Variants in ENKUR observed in about 807,000 individuals in gnomAD.
ENKUR encodes enkurin.
Under a neutral mutation model 27.6 loss-of-function variants are expected in ENKUR, and 19 were observed. The observed-to-expected ratio is 0.69, with a 90% confidence interval of 0.48 to 1.01. The LOEUF is 1.01. Among genes scored for constraint, ENKUR ranks in the 50% least tolerant of loss-of-function variants. The pLI is 0.00. For missense variants in ENKUR, 312 were observed against 310.5 expected (o/e 1.00, Z -0.04); for synonymous variants, 117 against 96.9 (o/e 1.21, Z -1.22).
At chr10:25,024,321 C>G in intron 2 of ENKUR, 1 of 1,614,122 alleles carries the variant, frequency 6.2e-7, no homozygotes, top group Non-Finnish European at 8.5e-7. Flanking sequence ...CACACTGTAT[C>G]CCACCAAGTT....
chr10:25,018,112 A>G (rs1276631642), upstream of ENKUR, among the ~76,000 whole-genome samples: 2 of 152,196 alleles, frequency 1.3e-5, no homozygotes, highest in Non-Finnish European at 2.9e-5. Flanking sequence ...CTGTATATTT[A>G]TTATGCTTTA....
chr10:25,002,199 G>A (rs1466602756), intron 1 of ENKUR, among the ~76,000 whole-genome samples: 1 of 152,176 alleles, frequency 6.6e-6, no homozygotes, highest in African/African-American at 2.4e-5. Flanking sequence ...GGGCTGGTGG[G>A]AACACGAACT....
At chr10:25,024,730 G>T (rs1285713723) in intron 2 of ENKUR, 2 of 1,614,124 alleles carry the variant, frequency 1.2e-6, no homozygotes, top group South Asian at 2.2e-5. Flanking sequence ...AAGCCCAGTC[G>T]ATGTCTGTAT....
At chr10:25,007,266 G>T (rs369066833) in intron 1 of ENKUR, among the ~76,000 whole-genome samples, 4 of 152,020 alleles carry the variant, frequency 2.6e-5, no homozygotes, top group Non-Finnish European at 5.9e-5. Flanking sequence ...TGAGTCTAAC[G>T]TTCACAAAAG....
chr10:25,016,473 G>A (rs2291586), upstream of ENKUR, among the ~76,000 whole-genome samples: 36,902 of 152,184 alleles, frequency 0.24, 5,562 homozygotes, highest in East Asian at 0.5. Flanking sequence ...GGAGCGAGCG[G>A]CTGAGACCAC....
At chr10:25,059,639 C>T (rs1851304891) in intron 2 of ENKUR, among the ~76,000 whole-genome samples, 1 of 152,142 alleles carries the variant, frequency 6.6e-6, no homozygotes, top group East Asian at 1.9e-4. Context: ...CCAAAAAATG[C>T]TAACAAGCAC....
At chr10:25,032,483 C>T (rs975671818) in intron 2 of ENKUR, among the ~76,000 whole-genome samples, 2 of 152,124 alleles carry the variant, frequency 1.3e-5, no homozygotes, top group South Asian at 2.1e-4. Context: ...AGCAGTCACC[C>T]TGCTACATGG....
At chr10:24,996,924 A>T (rs1850073976) in intron 2 of ENKUR, among the ~76,000 whole-genome samples, 1 of 152,228 alleles carries the variant, frequency 6.6e-6, no homozygotes, top group South Asian at 2.1e-4. Flanking sequence ...AGGTCATTAG[A>T]GAAGGCGCTG....
Position 24,995,752 on chromosome 10 carries a change from A to G in ENKUR, c.341T>C (p.Ile114Thr). 1 of 1,614,048 alleles carries G rather than the reference A, an allele frequency of 6.2e-7. No individual in the cohort carries two copies. The highest frequency in any genetic ancestry group is 8.5e-7 in the Non-Finnish European group (1 of 1,179,994). ...TTTAGGCTTTTTAGCCACTCCCATG[A>G]TGATATCAGCTGCATTTGTATTTAT... ...NFINTNAADI[I>T]MGVAKKPKPI... The change falls in exon 3 of 6, where the codon ATC becomes ACC. Residue 114 changes from isoleucine to threonine, a missense_variant. Physicochemically the swap from Ile to Thr is moderately conservative, Grantham distance 89 (BLOSUM62 -1). Transcript: ENST00000331161.
At chr10:25,046,452 T>C (rs951386748) in intron 2 of ENKUR, among the ~76,000 whole-genome samples, 1 of 152,142 alleles carries the variant, frequency 6.6e-6, no homozygotes, top group African/African-American at 2.4e-5. Context: ...ATCTCTACAA[T>C]ACCCTAGAGA....
At chr10:25,028,268 T>G (rs1391893196) in intron 2 of ENKUR, among the ~76,000 whole-genome samples, 1 of 152,232 alleles carries the variant, frequency 6.6e-6, no homozygotes, top group East Asian at 1.9e-4. Flanking sequence ...CTCTGGCCCT[T>G]CACTCTCAGC....
intron 2 of ENKUR, among the ~76,000 whole-genome samples, chr10:25,050,232 A>G (rs192419278): frequency 2.6e-5 from 4 of 152,310 alleles, no homozygotes; most frequent in African/African-American, 7.2e-5. Context: ...AAATTTCAAC[A>G]TGAAATTTGG....
intron 2 of ENKUR, among the ~76,000 whole-genome samples, chr10:25,036,349 C>T (rs1017909380): frequency 2.0e-5 from 3 of 152,172 alleles, no homozygotes; most frequent in Admixed American, 2.0e-4. Context: ...TCACCTTCTG[C>T]CAGAATTATG....
In ENKUR at chr10:24,983,476, T is replaced by C. The variant is rs1427955807; in HGVS notation, c.*894A>G. The C allele has an allele frequency of 6.6e-6, 1 of 152,242 alleles. No homozygotes were observed. The highest frequency in any genetic ancestry group is 1.5e-5 in the Non-Finnish European group (1 of 68,048). The allele number at this position is 152,242 out of a possible 1,614,324, so 9.4% of individuals were successfully genotyped here. On this transcript the variant is annotated 3_prime_UTR_variant, in exon 6 of 6. Transcript: ENST00000331161. ...ACATTTTGGAGTGTACTGTCACAGCTGTTAGCCTACCCTAAATAGCAACCA... is the reference window on the plus strand; with the variant it reads ...ACATTTTGGAGTGTACTGTCACAGCCGTTAGCCTACCCTAAATAGCAACCA...
upstream of ENKUR, among the ~76,000 whole-genome samples, chr10:25,020,413 T>G (rs934416531): frequency 1.3e-5 from 2 of 152,112 alleles, no homozygotes; most frequent in African/African-American, 4.8e-5. Context: ...CCTTACAATC[T>G]ACTTTTAATG....
intron 3 of ENKUR, among the ~76,000 whole-genome samples, chr10:24,991,577 C>G (rs1267795256): frequency 6.6e-6 from 1 of 152,072 alleles, no homozygotes; most frequent in Non-Finnish European, 1.5e-5. Context: ...AGAGTTTGGC[C>G]GGGGTGGTGG....
intron 4 of ENKUR, among the ~76,000 whole-genome samples, chr10:24,988,672 A>G (rs868363258): frequency 0.11 from 97 of 904 alleles, no homozygotes; most frequent in African/African-American, 0.18. Flanking sequence ...ATGTATATAT[A>G]TATATATATA....
intron 2 of ENKUR, among the ~76,000 whole-genome samples, chr10:25,049,812 A>G (rs1455968458): frequency 6.6e-6 from 1 of 151,816 alleles, no homozygotes; most frequent in African/African-American, 2.4e-5. Flanking sequence ...GACTTCAAGA[A>G]TTAAAATTTA....
At chr10:25,043,226 TAAC>T (rs1851084763) in intron 2 of ENKUR, among the ~76,000 whole-genome samples, 1 of 152,190 alleles carries the variant, frequency 6.6e-6, no homozygotes, top group Non-Finnish European at 1.5e-5. Context: ...TAGTTTTAGT[TAAC>T]AATAAAACCA....
Sources: allele counts gnomAD v4.1 joint callset (sites outside exome capture counted in the v4.1 genomes callset), GRCh38; gene constraint gnomAD v4.1.1; transcripts MANE v1.5; gene names NCBI Gene and HGNC (gene_info 2026-07-23, HGNC 2026-07-21).